DHX29: variants seen among roughly 807,000 people sequenced by gnomAD.
The protein encoded by DHX29 is DExH-box helicase 29.
A neutral mutation model predicts 167.9 loss-of-function variants in DHX29; 79 were observed. The observed-to-expected ratio is 0.47, with a 90% CI of 0.39 to 0.57. The LOEUF is 0.57. Among genes scored for constraint, DHX29 ranks in the 20% least tolerant of loss-of-function variants. The pLI is 0.00. For synonymous variants in DHX29, 530 were observed against 546.0 expected, an observed-to-expected ratio of 0.97 and a Z score of 0.41; for missense variants, 1,347 against 1,593.4, an observed-to-expected ratio of 0.85 and a Z score of 2.63.
intron 1 of DHX29, among the ~76,000 whole-genome samples, chr5:55,302,871 T>C (rs530783865): frequency 1.3e-5 from 2 of 152,304 alleles, no homozygotes; most frequent in Admixed American, 6.5e-5. Flanking sequence ...ACTTTCCTTA[T>C]TGCCTGGAGA....
intron 13 of DHX29, 28 bp downstream of exon 13, chr5:55,277,076 GCT>G: frequency 6.5e-7 from 1 of 1,538,948 alleles, no homozygotes; most frequent in Non-Finnish European, 8.9e-7. Context: ...TGCAGTTTCT[GCT>G]TATACACACA....
chr5:55,296,010 C>T (rs975607956), intron 4 of DHX29, among the ~76,000 whole-genome samples: 1 of 152,166 alleles, frequency 6.6e-6, no homozygotes, highest in Non-Finnish European at 1.5e-5. Context: ...AGCAAAATAA[C>T]AATCAACAAC....
intron 8 of DHX29, among the ~76,000 whole-genome samples, chr5:55,286,105 A>G (rs540719335): frequency 6.6e-6 from 1 of 151,960 alleles, no homozygotes; most frequent in African/African-American, 2.4e-5. Flanking sequence ...GTACAAAAAA[A>G]TTATTCGGCG....
At chr5:55,261,549 G>A (rs765525118) in intron 24 of DHX29, 50 bp from the exon 25 acceptor site, 3 of 1,179,874 alleles carry the variant, frequency 2.5e-6, no homozygotes, top group Non-Finnish European at 2.5e-6. Context: ...AAAATAGAAG[G>A]AGGTCATTTA....
At chr5:55,256,632 A>G in intron 26 of DHX29, 92 bp from the exon 27 acceptor site, 1 of 1,143,048 alleles carries the variant, frequency 8.7e-7, no homozygotes, top group Non-Finnish European at 1.2e-6. Context: ...ATATGTCACT[A>G]AAAATTTTTA....
rs1746310233 is a variant in DHX29, at chr5:55,261,437, A to G, written c.3891T>C (p.Leu1297=). ...TTLITPFPVL[L]FGGDIEVQHR... ...GCTGAACTTCTATATCACCACCAAA[A>G]AGTAAAACTGGAAAAGGGGTTATTA... The change falls in exon 25 of 27, where the codon CTT becomes CTC. Residue 1297 remains leucine, a synonymous_variant. Coordinates refer to ENST00000251636, the MANE Select transcript of DHX29 (RefSeq NM_019030.4). The G allele has an allele frequency of 6.4e-7, 1 of 1,573,774 alleles. No individual in the cohort carries two copies. The highest frequency in any genetic ancestry group is 1.1e-5 in the South Asian group (1 of 90,156).
In DHX29 at chr5:55,276,426, T is replaced by G. The variant is rs758831077; in HGVS notation, c.2287-20A>C. The G allele has an allele frequency of 1.9e-6, 3 of 1,557,368 alleles. No individual in the cohort carries two copies. The highest frequency in any genetic ancestry group is 2.6e-6 in the Non-Finnish European group (3 of 1,156,012). Reference sequence around the variant, plus strand: ...AAAAACCTGCATAGAATAAGGCATATAAATGGGTGAATTCAAATTCGTTTC... The same window carrying G: ...AAAAACCTGCATAGAATAAGGCATAGAAATGGGTGAATTCAAATTCGTTTC... On this transcript the variant is annotated intron_variant, in intron 13 of 26. Coordinates refer to ENST00000251636, the MANE Select transcript of DHX29 (RefSeq NM_019030.4).
At chr5:55,259,017 C>T (rs1460264674) in intron 26 of DHX29, among the ~76,000 whole-genome samples, 1 of 152,034 alleles carries the variant, frequency 6.6e-6, no homozygotes. Context: ...TGTATATATA[C>T]ATATATTTCT....
rs756144109 is a variant in DHX29 at position 55,295,356 on chromosome 5, T to C, written c.651+23A>G. 7 of 1,571,612 alleles carry C rather than the reference T, an allele frequency of 4.5e-6. No individual in the cohort carries two copies. The East Asian group carries it at 6.7e-5, about 15-fold the overall frequency. Reference sequence around the variant, plus strand: ...GCTCCATTCTGATTTTATACAACTTTAAATGCTTAATTCTCAAATTACCTT... The same window carrying C: ...GCTCCATTCTGATTTTATACAACTTCAAATGCTTAATTCTCAAATTACCTT... On this transcript the variant is annotated intron_variant, in intron 5 of 26. Transcript: ENST00000251636.
At chr5:55,256,572 A>C in intron 26 of DHX29, 32 bp from the exon 27 acceptor site, 1 of 1,572,772 alleles carries the variant, frequency 6.4e-7, no homozygotes, top group Non-Finnish European at 8.6e-7. Context: ...AGCCACGAAT[A>C]AATGCAACAT....
chr5:55,294,351 C>T (rs950307000), intron 5 of DHX29, among the ~76,000 whole-genome samples: 4 of 152,022 alleles, frequency 2.6e-5, no homozygotes, highest in Non-Finnish European at 4.4e-5. Context: ...TTACATAAAG[C>T]GGTAAAAAAG....
intron 14 of DHX29, among the ~76,000 whole-genome samples, chr5:55,275,252 C>CAGA (rs1747050131): frequency 1.3e-5 from 2 of 152,110 alleles, no homozygotes; most frequent in Non-Finnish European, 2.9e-5. Flanking sequence ...ACCTTTTTAT[C>CAGA]TTGGCATATA....
intron 12 of DHX29, among the ~76,000 whole-genome samples, chr5:55,277,927 A>AG: frequency 6.8e-6 from 1 of 147,330 alleles, no homozygotes; most frequent in East Asian, 2.1e-4. Context: ...AAAAAAAAAA[A>AG]GATGTAAGGT....
In DHX29 at chr5:55,261,350, A is replaced by C. The variant is rs750195097; in HGVS notation, c.3960+18T>G. The C allele has an allele frequency of 1.4e-6, 2 of 1,452,102 alleles. No homozygotes were observed. Among genetic ancestry groups the C allele is most frequent in the East Asian group, 4.6e-5 (2 of 43,174 alleles). The allele number at this position is 1,452,102 out of a possible 1,614,324, so 90.0% of individuals were successfully genotyped here. ...TTGAAAATTTTTAATAATCAATAAA[A>C]TCAGTTGTACTATGTACCTGAAAAT... On this transcript the variant is annotated intron_variant, in intron 25 of 26. Coordinates refer to ENST00000251636, the MANE Select transcript of DHX29 (RefSeq NM_019030.4).
chr5:55,290,259 C>T lies in DHX29; in HGVS notation c.866G>A (p.Gly289Asp). ...TATTTTTTCCTGAGCCTCTTTTTGG[C>T]CTTGCTTGTTTTTTTCTAGTTTAAA... ...ATFKLEKNKQ[G>D]QKEAQEKIRK... is the part of the protein sequence containing the mutation. Residue 289 changes from glycine to aspartate, a missense_variant, in exon 7 of 27, where the codon GGC becomes GAC. Physicochemically the swap from Gly to Asp is moderately conservative, Grantham distance 94 (BLOSUM62 -1). Transcript: ENST00000251636. The T allele has an allele frequency of 6.2e-7, 1 of 1,610,966 alleles. No homozygotes were observed. Among genetic ancestry groups the T allele is most frequent in the Non-Finnish European group, 8.5e-7 (1 of 1,179,458 alleles).
chr5:55,268,597 T>C (rs1746697628), intron 21 of DHX29, among the ~76,000 whole-genome samples: 1 of 152,010 alleles, frequency 6.6e-6, no homozygotes, highest in Admixed American at 6.6e-5. Flanking sequence ...GCCAATTTTT[T>C]AATCTTAATT....
chr5:55,257,703 A>G (rs1437468538), intron 26 of DHX29, among the ~76,000 whole-genome samples: 1 of 152,214 alleles, frequency 6.6e-6, no homozygotes, highest in African/African-American at 2.4e-5. Context: ...TTATAAATCC[A>G]AGAGAGAGCA....
At chr5:55,271,623 G>A (rs981207888) in intron 18 of DHX29, among the ~76,000 whole-genome samples, 9 of 152,090 alleles carry the variant, frequency 5.9e-5, no homozygotes, top group South Asian at 2.1e-4. Context: ...GCAAGACTCC[G>A]TCTCAAAAAT....
At chr5:55,272,360 T>C (rs1746894755) in intron 17 of DHX29, among the ~76,000 whole-genome samples, 185 bp from the exon 18 acceptor site, 2 of 152,244 alleles carry the variant, frequency 1.3e-5, no homozygotes, top group African/African-American at 2.4e-5. Flanking sequence ...CTTAGCTTAC[T>C]AATTAGACTA....
Sources: gnomAD v4.1 joint callset for allele counts (sites outside exome capture counted in the v4.1 genomes callset) on GRCh38, gnomAD v4.1.1 for gene constraint, MANE v1.5 for transcripts, NCBI Gene and HGNC (gene_info 2026-07-23, HGNC 2026-07-21) for gene names.